GRID1: variants seen among roughly 807,000 people sequenced by gnomAD.
GRID1 encodes the protein glutamate ionotropic receptor delta type subunit 1.
Under a neutral mutation model 98.0 loss-of-function variants are expected in GRID1, and 28 were observed. The ratio of observed to expected loss-of-function variants is 0.29; its 90% confidence interval spans 0.21 to 0.39. GRID1 has a LOEUF of 0.39. GRID1 is among the 10% of genes least tolerant of loss of function. The probability of loss-of-function intolerance (pLI) is 1.00; values close to 1 mark genes in which losing one functional copy is unlikely to be tolerated. For synonymous variants in GRID1, 553 were observed against 538.5 expected (o/e 1.03, Z -0.37); for missense variants, 1,111 against 1,340.5 (o/e 0.83, Z 2.67).
At chr10:85,858,520 T>G (rs1285997573) in intron 6 of GRID1, among the ~76,000 whole-genome samples, 1 of 152,164 alleles carries the variant, frequency 6.6e-6, no homozygotes, top group East Asian at 1.9e-4. Flanking sequence ...TCCCCAGCCC[T>G]CAGGAGCCCC....
At chr10:86,203,094 T>G (rs189552852) in intron 3 of GRID1, among the ~76,000 whole-genome samples, 1 of 152,296 alleles carries the variant, frequency 6.6e-6, no homozygotes, top group South Asian at 2.1e-4. Context: ...CTCAGAGGGA[T>G]GTTGGGTGGC....
intron 4 of GRID1, among the ~76,000 whole-genome samples, chr10:85,926,604 G>T (rs1265719549): frequency 6.6e-6 from 1 of 152,142 alleles, no homozygotes; most frequent in Non-Finnish European, 1.5e-5. Flanking sequence ...AAAGATGCCT[G>T]CTCTTAGTCC....
intron 2 of GRID1, among the ~76,000 whole-genome samples, chr10:86,249,958 A>AT (rs981740798): frequency 1.3e-5 from 2 of 151,160 alleles, no homozygotes; most frequent in Admixed American, 1.3e-4. Flanking sequence ...GAGTAGGTGA[A>AT]TGGGGGGTGG....
At chr10:85,896,324 C>T (rs1341541857) in intron 5 of GRID1, among the ~76,000 whole-genome samples, 1 of 151,996 alleles carries the variant, frequency 6.6e-6, no homozygotes, top group Non-Finnish European at 1.5e-5. Flanking sequence ...CCTTTAAGGA[C>T]AAAAATCAAC....
chr10:86,034,991 A>AC (rs558892997), intron 4 of GRID1, among the ~76,000 whole-genome samples: 144 of 152,090 alleles, frequency 9.5e-4, no homozygotes, highest in African/African-American at 3.3e-3. Flanking sequence ...GTGGATGGAT[A>AC]AGTATACAGG....
At chr10:85,645,231 T>C (rs950344995) in intron 13 of GRID1, among the ~76,000 whole-genome samples, 2 of 152,202 alleles carry the variant, frequency 1.3e-5, no homozygotes, top group African/African-American at 4.8e-5. Context: ...ATGACAGTAT[T>C]GGCTCTCTCT....
At chr10:85,685,873 GATAC>G (rs937370167) in intron 12 of GRID1, among the ~76,000 whole-genome samples, 22 of 151,898 alleles carry the variant, frequency 1.4e-4, no homozygotes, top group Non-Finnish European at 2.5e-4. Context: ...CAGATGTTAT[GATAC>G]ATAGTGATGT....
chr10:85,872,682 C>T (rs945626779), intron 5 of GRID1, among the ~76,000 whole-genome samples: 1 of 152,240 alleles, frequency 6.6e-6, no homozygotes, highest in Non-Finnish European at 1.5e-5. Context: ...CCTTAGTCTG[C>T]ACTGTTTCTT....
At chr10:86,163,306 C>T (rs1266541254) in intron 3 of GRID1, among the ~76,000 whole-genome samples, 1 of 152,188 alleles carries the variant, frequency 6.6e-6, no homozygotes, top group Non-Finnish European at 1.5e-5. Context: ...CGCTCCATGG[C>T]CCATCCTGTC....
intron 2 of GRID1, among the ~76,000 whole-genome samples, chr10:86,311,332 T>C (rs1847829311): frequency 6.6e-6 from 1 of 152,150 alleles, no homozygotes; most frequent in Non-Finnish European, 1.5e-5. Context: ...GAGGAGGATA[T>C]CCTGGGGCAG....
intron 8 of GRID1, among the ~76,000 whole-genome samples, chr10:85,744,104 T>A (rs750022166): frequency 6.6e-6 from 1 of 152,144 alleles, no homozygotes; most frequent in African/African-American, 2.4e-5. Flanking sequence ...TGTGGACCCA[T>A]GAAATGAAGG....
chr10:86,095,488 CA>C (rs1480791045), intron 4 of GRID1, among the ~76,000 whole-genome samples: 2 of 151,836 alleles, frequency 1.3e-5, no homozygotes, highest in Non-Finnish European at 2.9e-5. Flanking sequence ...GAATCTACAA[CA>C]AACTCAAACA....
chr10:86,175,663 T>C (rs1845565272), intron 3 of GRID1, among the ~76,000 whole-genome samples: 1 of 151,152 alleles, frequency 6.6e-6, no homozygotes, highest in African/African-American at 2.4e-5. Flanking sequence ...CACAGGGGAG[T>C]GTTTGGTAAA....
At chr10:85,931,965 C>G (rs1249010081) in intron 4 of GRID1, among the ~76,000 whole-genome samples, 2 of 152,186 alleles carry the variant, frequency 1.3e-5, no homozygotes, top group Non-Finnish European at 2.9e-5. Flanking sequence ...AGAGAGCACT[C>G]CAGCCGCTGG....
intron 5 of GRID1, among the ~76,000 whole-genome samples, chr10:85,890,114 C>T (rs192363459): frequency 3.7e-4 from 56 of 151,814 alleles, no homozygotes; most frequent in African/African-American, 1.2e-3. Context: ...CATCCTACAG[C>T]GCTGCAGGAC....
intron 8 of GRID1, among the ~76,000 whole-genome samples, chr10:85,774,855 G>C (rs1337610281): frequency 5.3e-5 from 8 of 151,058 alleles, no homozygotes; most frequent in African/African-American, 9.7e-5. Flanking sequence ...TGGAGAAATA[G>C]GAACACTTTT....
chr10:85,620,071 G>A (rs1172880028), intron 13 of GRID1, 38 bp from the exon 14 acceptor site: 20 of 1,575,154 alleles, frequency 1.3e-5, no homozygotes, highest in Non-Finnish European at 1.7e-5. Context: ...AGGCAGTCCT[G>A]GCCAGCTGTG....
intron 12 of GRID1, among the ~76,000 whole-genome samples, chr10:85,675,996 G>C (rs1445042927): frequency 6.6e-6 from 1 of 152,152 alleles, no homozygotes; most frequent in Non-Finnish European, 1.5e-5. Flanking sequence ...TCTGCCTCCT[G>C]TCCTGCCTGT....
intron 4 of GRID1, among the ~76,000 whole-genome samples, chr10:86,118,985 T>A (rs893428643): frequency 6.6e-6 from 1 of 152,150 alleles, no homozygotes; most frequent in Non-Finnish European, 1.5e-5. Context: ...TGCAATGTGG[T>A]ATCCTGGATA....
Sources: allele counts gnomAD v4.1 joint callset (sites outside exome capture counted in the v4.1 genomes callset), GRCh38; gene constraint gnomAD v4.1.1; transcripts MANE v1.5; gene names NCBI Gene and HGNC (gene_info 2026-07-23, HGNC 2026-07-21).